UBR4: variants seen among roughly 807,000 people sequenced by gnomAD.
UBR4 encodes the protein E3 ubiquitin-protein ligase UBR4.
In UBR4, 124 loss-of-function variants were observed where a neutral mutation model predicts 575.6. The observed-to-expected ratio is 0.22, with a 90% CI of 0.19 to 0.25. The LOEUF is 0.25. Ranked by LOEUF, UBR4 falls within the 10% of genes least tolerant of loss-of-function variation. The pLI, the probability that UBR4 is intolerant of heterozygous loss-of-function variation, is 1.00. For missense variants in UBR4, 4,818 were observed against 6,478.8 expected, an observed-to-expected ratio of 0.74 and a Z score of 8.80; for synonymous variants, 2,455 against 2,473.7, an observed-to-expected ratio of 0.99 and a Z score of 0.22.
chr1:19,166,917 A>G, intron 29 of UBR4, 105 bp downstream of exon 29: 1 of 1,321,436 alleles, frequency 7.6e-7, no homozygotes, highest in Non-Finnish European at 1.1e-6. Flanking sequence ...AAAACCACAC[A>G]CAAAAACAAT....
At chr1:19,096,761 G>A (rs187119105) in intron 91 of UBR4, 111 bp from the exon 92 acceptor site, 140 of 1,457,498 alleles carry the variant, frequency 9.6e-5, no homozygotes, top group East Asian at 3.3e-4. Flanking sequence ...GCCCTTTTCC[G>A]TATCTCCAAT....
intron 27 of UBR4, 27 bp downstream of exon 27, chr1:19,169,408 T>C (rs2089142599): frequency 1.3e-6 from 2 of 1,594,580 alleles, no homozygotes; most frequent in African/African-American, 2.7e-5. Flanking sequence ...ACTCAGTATT[T>C]CTACCCTGGA....
Position 19,167,149 on chromosome 1 carries a change from C to T in UBR4, c.3982G>A (p.Glu1328Lys). ...CGTTCCAGGGAGTTGCTACTGATCT[C>T]GGCAACACTCTCAGTGCTTGATTCC... is the stretch of plus-strand genomic sequence containing the variant. ...LLESSTESVA[E>K]ISSNSLERIL... Residue 1328 changes from glutamate to lysine, a missense_variant, in exon 29 of 106, where the codon GAG becomes AAG. Glu to Lys is a moderately conservative substitution (Grantham distance 56, BLOSUM62 1). Coordinates refer to ENST00000375254, the MANE Select transcript of UBR4 (RefSeq NM_020765.3). 3 of 1,614,170 alleles carry T rather than the reference C, an allele frequency of 1.9e-6. No individual in the cohort carries two copies. Among genetic ancestry groups the T allele is most frequent in the Non-Finnish European group, 2.5e-6 (3 of 1,180,030 alleles).
In UBR4 at chr1:19,156,266, T is replaced by C. The variant is rs113068889; in HGVS notation, c.6072+5A>G. 609 of 1,614,048 alleles carry C rather than the reference T, an allele frequency of 3.8e-4. 2 individuals carry two copies. In the African/African-American group the frequency reaches 7.1e-3, roughly 19 times the overall value. On this transcript the variant is annotated splice_donor_5th_base_variant and intron_variant, in intron 42 of 105. Coordinates refer to ENST00000375254, the MANE Select transcript of UBR4 (RefSeq NM_020765.3). ...GACCATATCATCAAAGAACTGTAAC[T>C]GTACCTTAACAAAGTCTGCGGTGAC...
intron 60 of UBR4, among the ~76,000 whole-genome samples, chr1:19,137,378 G>A (rs1220454736): frequency 2.6e-5 from 4 of 151,476 alleles, no homozygotes; most frequent in Non-Finnish European, 1.5e-5. Flanking sequence ...AACAAACATT[G>A]TATCATGAGT....
intron 11 of UBR4, among the ~76,000 whole-genome samples, chr1:19,191,052 C>T (rs1434379993): frequency 3.3e-5 from 5 of 152,238 alleles, no homozygotes; most frequent in African/African-American, 4.8e-5. Context: ...GTCAATGATA[C>T]TTCCATCTCA....
rs1320607862 is a variant in UBR4, at chr1:19,172,923, A to C, written c.3462T>G (p.Ile1154Met). 2 of 1,614,060 alleles carry C rather than the reference A, an allele frequency of 1.2e-6. No homozygotes were observed. The highest frequency in any genetic ancestry group is 1.3e-5 in the African/African-American group (1 of 74,910). Residue 1154 changes from isoleucine (I) to methionine (M), a missense_variant, in exon 25 of 106, where the codon ATT becomes ATG. By Grantham distance (10) the Ile-to-Met change is conservative (BLOSUM62 1). Around this residue, in one of 29 missense-constraint regions of UBR4, gnomAD observed 1,172 missense variants for 1,259.7 expected, o/e 0.93. Transcript: ENST00000375254. ...GCGTGGCTGGAAGTAGGTTCTTGGT[A>C]ATCTCAGACGACTTATGAGGATCAG... ...AETDPHKSSE[I>M]TKNLLPATLQ...
Position 19,118,866 on chromosome 1 carries a change from G to T in UBR4, c.10541+6C>A. ...TCCCACAGGTAGAAAGCAAAACAAA[G>T]CTCACTTATAAATGTTCGAGTTGGG... On this transcript the variant is annotated splice_donor_region_variant and intron_variant, in intron 71 of 105. Transcript: ENST00000375254. 4 of 1,614,052 alleles carry T rather than the reference G, an allele frequency of 2.5e-6. No individual in the cohort carries two copies. Among genetic ancestry groups the T allele is most frequent in the Non-Finnish European group, 3.4e-6 (4 of 1,179,970 alleles).
At position 19,141,280 on chromosome 1, in the gene UBR4, T is replaced by C. The variant is rs1158135229; in HGVS notation, c.8488+67A>G. On this transcript the variant is annotated intron_variant, in intron 57 of 105. Coordinates refer to ENST00000375254, the MANE Select transcript of UBR4 (RefSeq NM_020765.3). ...ACAAACTAAGTCAGCTGGATATCAG[T>C]AACTGCCAAACCCTCTTTTCCTGTG... 6 of 1,607,982 alleles carry C rather than the reference T, an allele frequency of 3.7e-6. No homozygotes were observed. The African/African-American group carries it at 8.0e-5, about 21-fold the overall frequency.
rs373870314 is a variant in UBR4, at chr1:19,106,869, T to C, written c.12203A>G (p.Tyr4068Cys). ...LWLKRDPKAS[Y>C]DAWKKCLPIR... The stretch of plus-strand genomic sequence containing the variant: ...AGGAAGACACTTCTTCCAGGCATCA[T>C]AGGATGCCTTGGGGTCTCTCTTGAG... Residue 4068 changes from tyrosine to cysteine, a missense_variant, in exon 82 of 106, where the codon TAT becomes TGT. By Grantham distance (194) the Tyr-to-Cys change is radical. Around this residue, in one of 29 missense-constraint regions of UBR4, gnomAD observed 333 missense variants for 459.2 expected, o/e 0.73. Transcript: ENST00000375254. 6 of 1,613,940 alleles carry C rather than the reference T, an allele frequency of 3.7e-6. No individual in the cohort carries two copies. Among genetic ancestry groups the C allele is most frequent in the African/African-American group, 2.7e-5 (2 of 75,052 alleles).
At chr1:19,077,362 G>A (rs1173822292) in intron 104 of UBR4, among the ~76,000 whole-genome samples, 1 of 152,220 alleles carries the variant, frequency 6.6e-6, no homozygotes, top group Non-Finnish European at 1.5e-5. Context: ...GAGCAGCAAA[G>A]AGAGACCCGG....
In UBR4 at chr1:19,106,687, A is replaced by G. The variant is rs1186674956; in HGVS notation, c.12275T>C (p.Leu4092Pro). Reference protein sequence around the residue: ...GNGKAPSKSELRHLYLTEKYV... With the variant: ...GNGKAPSKSEPRHLYLTEKYV... ...CTTCTCAGTCAAATAGAGATGGCGGAGCTCTGATTTGCTGGGGGCTTTCCC... is the reference window on the plus strand; with the variant it reads ...CTTCTCAGTCAAATAGAGATGGCGGGGCTCTGATTTGCTGGGGGCTTTCCC... The change falls in exon 83 of 106, where the codon CTC (leucine) becomes CCC (proline). Residue 4092 changes from leucine to proline, a missense_variant. This residue lies in a region of UBR4 where 178 missense variants were observed against 175.5 expected (regional missense o/e 1.01). Coordinates refer to ENST00000375254, the MANE Select transcript of UBR4 (RefSeq NM_020765.3). 1 of 1,608,182 alleles carries G rather than the reference A, an allele frequency of 6.2e-7. No individual in the cohort carries two copies. Among genetic ancestry groups the G allele is most frequent in the Non-Finnish European group, 8.5e-7 (1 of 1,176,836 alleles).
chr1:19,147,554 C>T (rs2085039671), intron 51 of UBR4, among the ~76,000 whole-genome samples: 1 of 152,144 alleles, frequency 6.6e-6, no homozygotes, highest in Admixed American at 6.5e-5. Flanking sequence ...ACCCTCTTTC[C>T]CCAGATGTTC....
Position 19,096,542 on chromosome 1 carries a change from T to C in UBR4, c.13499A>G (p.Gln4500Arg), listed in dbSNP as rs755808849. ...ACTCACTGTTAGAAGGTGGCGTCCC[T>C]GCTTGAAATCTCTGATCCCTGCGAG... ...NRLAGIRDFK[Q>R]GRHLLTVLLK... is the part of the protein sequence containing the mutation. Residue 4500 changes from glutamine to arginine, a missense_variant, in exon 92 of 106, where the codon CAG (glutamine) becomes CGG (arginine). By Grantham distance (43) the Gln-to-Arg change is conservative. Transcript: ENST00000375254. 4 of 1,613,268 alleles carry C rather than the reference T, an allele frequency of 2.5e-6. No homozygotes were observed. In the Middle Eastern group the frequency reaches 5.0e-4, roughly 200 times the overall value.
In UBR4 at chr1:19,074,879, T is replaced by C; in HGVS notation, c.15505A>G (p.Thr5169Ala). Reference protein sequence around the residue: ...LDVAGLLSEITDPESFLKDLL... With the variant: ...LDVAGLLSEIADPESFLKDLL... ...TCCTTCAGGAAGCTCTCTGGATCGG[T>C]GATTTCTGATAAAAGACCTGCAAAG... The change falls in exon 106 of 106, where the codon ACC becomes GCC. Residue 5169 changes from threonine (T) to alanine (A), a missense_variant. Transcript: ENST00000375254. 1 of 1,614,044 alleles carries C rather than the reference T, an allele frequency of 6.2e-7. No homozygotes were observed. Among genetic ancestry groups the C allele is most frequent in the Non-Finnish European group, 8.5e-7 (1 of 1,179,994 alleles).
In UBR4 at chr1:19,152,594, T is replaced by C; in HGVS notation, c.6833-118A>G. 7.4e-7 allele frequency: 1 copy of C among 1,350,180 alleles called. No homozygotes were observed. The allele number at this position is 1,350,180 out of a possible 1,614,324, so 83.6% of individuals were successfully genotyped here. A position where few individuals can be genotyped will look rare whatever the true frequency, so the allele number is the denominator to read the frequency against. The stretch of plus-strand genomic sequence containing the variant: ...CACTCTAATCTAAGCAAACTCTGGA[T>C]TATAACATTTGCATCGGCATGATGC... On this transcript the variant is annotated intron_variant, in intron 46 of 105. Transcript: ENST00000375254. This position sits in a 1 kb window ranked among gnomAD's most constrained non-coding sequence, Gnocchi z 4.4.
At chr1:19,161,194 A>G (rs2087292848) in intron 37 of UBR4, 47 bp from the exon 38 acceptor site, 15 of 1,568,156 alleles carry the variant, frequency 9.6e-6, no homozygotes, top group Non-Finnish European at 1.3e-5. Flanking sequence ...CCTCAAGCAC[A>G]GAGGAAATAC....
chr1:19,122,040 G>A (rs1340346647), intron 66 of UBR4, 28 bp from the exon 67 acceptor site: 4 of 1,612,176 alleles, frequency 2.5e-6, no homozygotes, highest in Non-Finnish European at 3.4e-6. Flanking sequence ...CACGGGAAAG[G>A]AGTAACTCCA....
At chr1:19,194,360 T>A (rs1168820787) in intron 8 of UBR4, among the ~76,000 whole-genome samples, 4 of 152,190 alleles carry the variant, frequency 2.6e-5, no homozygotes, top group African/African-American at 7.2e-5. Flanking sequence ...TGGTGGTGCA[T>A]GCCTCTAGTT....
Sources: allele counts gnomAD v4.1 joint callset (sites outside exome capture counted in the v4.1 genomes callset), GRCh38; gene constraint gnomAD v4.1.1; regional missense constraint gnomAD v4.1.1; non-coding constraint Gnocchi (gnomAD v3.1); transcripts MANE v1.5; gene names NCBI Gene and HGNC (gene_info 2026-07-23, HGNC 2026-07-21).